The following TM9SF2 variants were observed in gnomAD, a reference collection of about 807,000 sequenced individuals.
TM9SF2 encodes the protein 76 kDa membrane protein.
In TM9SF2, 13 loss-of-function variants were observed where a neutral mutation model predicts 84.9. That is an observed-to-expected ratio of 0.15 (90% CI 0.10 to 0.24). The LOEUF (loss-of-function observed/expected upper bound fraction) is 0.24, where lower values mean the gene tolerates loss of function less well. TM9SF2 is among the 10% of genes least tolerant of loss of function. The pLI, the probability that TM9SF2 is intolerant of heterozygous loss-of-function variation, is 1.00. For synonymous variants in TM9SF2, 273 were observed against 285.8 expected (o/e 0.96, Z 0.45); for missense variants, 562 against 818.5 (o/e 0.69, Z 3.82).
intron 4 of TM9SF2, among the ~76,000 whole-genome samples, chr13:99,536,136 T>C (rs767738850): frequency 6.4e-4 from 98 of 152,186 alleles, no homozygotes; most frequent in Non-Finnish European, 1.1e-3. Flanking sequence ...GAACTAGATA[T>C]ATTGCTTTGT....
chr13:99,549,978 C>A (rs1174198653), intron 12 of TM9SF2, among the ~76,000 whole-genome samples: 1 of 152,194 alleles, frequency 6.6e-6, no homozygotes, highest in Non-Finnish European at 1.5e-5. Context: ...TCTCAGTTAT[C>A]GGTTCTATTC....
intron 13 of TM9SF2, 44 bp from the exon 14 acceptor site, chr13:99,554,260 A>G: frequency 6.3e-7 from 1 of 1,593,244 alleles, no homozygotes; most frequent in African/African-American, 1.3e-5. Flanking sequence ...AATATTTGAG[A>G]CAGATACGTA....
At chr13:99,522,859 G>A (rs547156152) in intron 3 of TM9SF2, among the ~76,000 whole-genome samples, 1 of 152,320 alleles carries the variant, frequency 6.6e-6, no homozygotes, top group South Asian at 2.1e-4. Context: ...ACTGTTCCTT[G>A]CTCATACACA....
intron 13 of TM9SF2, 65 bp downstream of exon 13, chr13:99,552,391 C>A: frequency 6.9e-7 from 1 of 1,453,616 alleles, no homozygotes; most frequent in Non-Finnish European, 9.5e-7. Flanking sequence ...TATGCCATCT[C>A]AAAAGATACC....
intron 1 of TM9SF2, among the ~76,000 whole-genome samples, chr13:99,513,967 C>G (rs1003952915): frequency 2.6e-5 from 4 of 152,062 alleles, no homozygotes; most frequent in African/African-American, 9.7e-5. Flanking sequence ...CTTGGATAGA[C>G]TAATAAAATT....
chr13:99,508,102 TC>T (rs1180799085), intron 1 of TM9SF2, among the ~76,000 whole-genome samples: 1 of 152,186 alleles, frequency 6.6e-6, no homozygotes, highest in Non-Finnish European at 1.5e-5. Context: ...TAAAACCACT[TC>T]TATAAAACAT....
At chr13:99,542,928 T>G (rs752059344) in intron 9 of TM9SF2, among the ~76,000 whole-genome samples, 11 of 152,134 alleles carry the variant, frequency 7.2e-5, no homozygotes, top group Non-Finnish European at 1.3e-4. Context: ...CATTTCACTC[T>G]TGAGCACGGC....
At chr13:99,517,524 G>T in intron 1 of TM9SF2, 90 bp from the exon 2 acceptor site, 1 of 766,756 alleles carries the variant, frequency 1.3e-6, no homozygotes. Flanking sequence ...TTACATTTCA[G>T]ACATGTCAAA....
At chr13:99,527,970 T>C (rs556982636) in intron 3 of TM9SF2, among the ~76,000 whole-genome samples, 2 of 152,274 alleles carry the variant, frequency 1.3e-5, no homozygotes, top group East Asian at 1.9e-4. Context: ...TAGATTGATA[T>C]TTTGATTTTC....
intron 3 of TM9SF2, among the ~76,000 whole-genome samples, chr13:99,520,357 T>A (rs2046153991): frequency 6.6e-6 from 1 of 152,192 alleles, no homozygotes; most frequent in Non-Finnish European, 1.5e-5. Flanking sequence ...TTAGGAATGT[T>A]AAGACGGTGG....
intron 2 of TM9SF2, among the ~76,000 whole-genome samples, chr13:99,519,039 A>G (rs2046147473): frequency 6.6e-6 from 1 of 152,184 alleles, no homozygotes; most frequent in Admixed American, 6.5e-5. Context: ...AAGAGTTTTA[A>G]AAGAAAATAG....
At chr13:99,522,086 T>C (rs1019677839) in intron 3 of TM9SF2, among the ~76,000 whole-genome samples, 1 of 152,098 alleles carries the variant, frequency 6.6e-6, no homozygotes, top group African/African-American at 2.4e-5. Flanking sequence ...AGTGGCAAGA[T>C]CTCAGCTCAC....
At chr13:99,505,954 G>A (rs2046087098) in intron 1 of TM9SF2, among the ~76,000 whole-genome samples, 1 of 152,178 alleles carries the variant, frequency 6.6e-6, no homozygotes, top group African/African-American at 2.4e-5. Flanking sequence ...CACGTTCTTA[G>A]ATGAAAGATT....
chr13:99,511,124 C>T (rs1380309012), intron 1 of TM9SF2, among the ~76,000 whole-genome samples: 1 of 152,054 alleles, frequency 6.6e-6, no homozygotes, highest in East Asian at 1.9e-4. Flanking sequence ...TACAGTGAGA[C>T]TAAGGTCTAC....
chr13:99,548,973 G>A (rs1420911850), intron 11 of TM9SF2, among the ~76,000 whole-genome samples, 192 bp from the exon 12 acceptor site: 3 of 152,152 alleles, frequency 2.0e-5, no homozygotes, highest in African/African-American at 7.2e-5. Flanking sequence ...CTTACCTAGG[G>A]AATCCCATCC....
intron 13 of TM9SF2, among the ~76,000 whole-genome samples, chr13:99,553,825 T>TA (rs1460491702): frequency 6.6e-6 from 1 of 152,206 alleles, no homozygotes; most frequent in Admixed American, 6.5e-5. Context: ...TAAAGCTTCA[T>TA]ACAGCCATTC....
intron 7 of TM9SF2, chr13:99,540,415 T>A: frequency 1.9e-5 from 3 of 160,300 alleles, no homozygotes; most frequent in Non-Finnish European, 4.0e-5. Flanking sequence ...AAAAAAAACC[T>A]ACATATAGGT....
At chr13:99,558,853 T>G (rs1342626827) in intron 15 of TM9SF2, among the ~76,000 whole-genome samples, 2 of 152,220 alleles carry the variant, frequency 1.3e-5, no homozygotes, top group Admixed American at 6.5e-5. Flanking sequence ...TAAAAGATCT[T>G]CTGTTAAGCT....
intron 6 of TM9SF2, among the ~76,000 whole-genome samples, chr13:99,538,261 C>G (rs2046242932): frequency 6.6e-6 from 1 of 152,098 alleles, no homozygotes; most frequent in African/African-American, 2.4e-5. Flanking sequence ...TTTCTCAAGC[C>G]CCTATGCAGT....
Sources: allele counts gnomAD v4.1 joint callset (sites outside exome capture counted in the v4.1 genomes callset), GRCh38; gene constraint gnomAD v4.1.1; transcripts MANE v1.5; gene names NCBI Gene and HGNC (gene_info 2026-07-23, HGNC 2026-07-21).